The following TMCO2 variants were observed in gnomAD, a reference collection of about 807,000 sequenced individuals.
The protein encoded by TMCO2 is transmembrane and coiled-coil domains 2, also known as transmembrane and coiled-coil domain-containing protein 2.
In TMCO2, 15 loss-of-function variants were observed where a neutral mutation model predicts 18.0. The observed-to-expected ratio is 0.84, with a 90% CI of 0.56 to 1.29. The LOEUF (loss-of-function observed/expected upper bound fraction) is 1.29. TMCO2 is among the 50% of genes most tolerant of loss of function. The pLI is 0.00. For missense variants in TMCO2, 182 were observed against 200.9 expected, an observed-to-expected ratio of 0.91 and a Z score of 0.57; for synonymous variants, 79 against 75.9, an observed-to-expected ratio of 1.04 and a Z score of -0.21.
rs1210124906 is a variant in TMCO2, at chr1:40,251,347, C to T, written c.302C>T (p.Ala101Val). ...AAGAAGGGCTCACATATTTTTGAGG[C>T]TTTGCTAGCCAACCCAGAAGGAAGT... ...LYKKGSHIFE[A>V]LLANPEGSGL... Residue 101 changes from alanine (A) to valine (V), a missense_variant, in exon 2 of 2, where the codon GCT (alanine) becomes GTT (valine). Transcript: ENST00000372766. The T allele has an allele frequency of 2.5e-6, 4 of 1,613,800 alleles. No individual in the cohort carries two copies. Among genetic ancestry groups the T allele is most frequent in the South Asian group, 2.2e-5 (2 of 90,950 alleles).
chr1:40,250,043 C>T (rs997699108), intron 1 of TMCO2, among the ~76,000 whole-genome samples: 7 of 151,782 alleles, frequency 4.6e-5, no homozygotes, highest in African/African-American at 1.7e-4. Flanking sequence ...GTCGCCCAGG[C>T]TGGAGTGCAG....
Position 40,248,138 on chromosome 1 carries a change from C to T in TMCO2, c.145C>T (p.Pro49Ser), listed in dbSNP as rs769845203. The T allele has an allele frequency of 5.0e-6, 8 of 1,614,110 alleles. No homozygotes were observed. The South Asian group carries it at 8.8e-5, about 18-fold the overall frequency. Residue 49 changes from proline to serine, a missense_variant, in exon 1 of 2, where the codon CCA (proline) becomes TCA (serine). Physicochemically the swap from Pro to Ser is moderately conservative, Grantham distance 74. Transcript: ENST00000372766. ...TSLGLLDNLAPAVQIILRISF... is the reference protein window; with the variant it reads ...TSLGLLDNLASAVQIILRISF... Reference sequence around the variant, plus strand: ...TTTGGGACTATTAGATAATCTTGCTCCAGCTGTGCAAATCATCTTGAGGAT... The same window carrying T: ...TTTGGGACTATTAGATAATCTTGCTTCAGCTGTGCAAATCATCTTGAGGAT...
intron 1 of TMCO2, among the ~76,000 whole-genome samples, chr1:40,250,694 A>C (rs1569595017): frequency 1.3e-5 from 2 of 152,348 alleles, no homozygotes; most frequent in East Asian, 1.9e-4. Context: ...TTTCTGCATA[A>C]ATAGATCATG....
In TMCO2 at chr1:40,248,158, G is replaced by A. The variant is rs889082864; in HGVS notation, c.165G>A (p.Leu55=). The part of the protein sequence containing the change: ...DNLAPAVQII[L]RISFLILLGI... ...TTGCTCCAGCTGTGCAAATCATCTT[G>A]AGGATTTCTTTCTTGATTTTATTGG... is the stretch of plus-strand genomic sequence containing the variant. The change falls in exon 1 of 2, where the codon TTG becomes TTA. Residue 55 remains leucine (L), a synonymous_variant. Coordinates refer to ENST00000372766, the MANE Select transcript of TMCO2 (RefSeq NM_001008740.4). 1 of 1,614,134 alleles carries A rather than the reference G, an allele frequency of 6.2e-7. No homozygotes were observed.
At chr1:40,249,255 A>ATGTGTGTG (rs3075101) in intron 1 of TMCO2, among the ~76,000 whole-genome samples, 2,296 of 139,902 alleles carry the variant, frequency 0.016, 31 homozygotes, top group African/African-American at 0.025. Flanking sequence ...TTGAACAGGA[A>ATGTGTGTG]TGTGTGTGTG....
In TMCO2 at chr1:40,248,123, TTAGA is replaced by T. The variant is rs1175298549; in HGVS notation, c.133_136del (p.Asp45IlefsTer10). ...ACCTCAGCAAACAAGTTTGGGACTATTAGATAATCTTGCTCCAGCTGTGCAAATC... is the reference window on the plus strand; with the variant it reads ...ACCTCAGCAAACAAGTTTGGGACTATTAATCTTGCTCCAGCTGTGCAAATC... On this transcript the variant is annotated frameshift_variant, in exon 1 of 2. Coordinates refer to ENST00000372766, the MANE Select transcript of TMCO2 (RefSeq NM_001008740.4). LOFTEE classifies it high-confidence loss of function. 6.2e-7 allele frequency: 1 copy of T among 1,614,134 alleles called. No individual in the cohort carries two copies. Among genetic ancestry groups the T allele is most frequent in the Non-Finnish European group, 8.5e-7 (1 of 1,180,056 alleles).
intron 1 of TMCO2, among the ~76,000 whole-genome samples, chr1:40,249,109 A>G (rs1202918646): frequency 6.6e-6 from 1 of 152,188 alleles, no homozygotes; most frequent in East Asian, 1.9e-4. Context: ...TGTAGATGAG[A>G]GAACTTGATT....
In TMCO2 at chr1:40,251,530, C is replaced by A; in HGVS notation, c.485C>A (p.Pro162His). Residue 162 changes from proline to histidine, a missense_variant, in exon 2 of 2, where the codon CCC becomes CAC. By Grantham distance (77) the Pro-to-His change is moderately conservative (BLOSUM62 -2). Transcript: ENST00000372766. ...ACGAAGAGGGATTGCTCCTCTGAGC[C>A]CTACTGCAGCTGCTCTGACTGCCAG... The part of the protein sequence containing the change: ...PATKRDCSSE[P>H]YCSCSDCQSP... The A allele has an allele frequency of 6.2e-7, 1 of 1,613,802 alleles. No homozygotes were observed. The highest frequency in any genetic ancestry group is 8.5e-7 in the Non-Finnish European group (1 of 1,179,956).
intron 1 of TMCO2, among the ~76,000 whole-genome samples, chr1:40,251,017 G>A (rs1408636004): frequency 6.6e-6 from 1 of 151,332 alleles, no homozygotes; most frequent in Non-Finnish European, 1.5e-5. Flanking sequence ...GGCGCCTGTA[G>A]TCCCAACTAC....
At chr1:40,249,261 G>GTGTGTA (rs1387191691) in intron 1 of TMCO2, among the ~76,000 whole-genome samples, 1 of 111,284 alleles carries the variant, frequency 9.0e-6, no homozygotes, top group Non-Finnish European at 1.8e-5. Context: ...AGGAATGTGT[G>GTGTGTA]TGTGTGTGTG....
intron 1 of TMCO2, 65 bp downstream of exon 1, chr1:40,248,295 T>C: frequency 7.4e-7 from 1 of 1,353,458 alleles, no homozygotes. Flanking sequence ...TTCTCTCCCA[T>C]ATTGCTGCCA....
Position 40,248,154 on chromosome 1 carries a change from T to A in TMCO2, c.161T>A (p.Ile54Asn). 1.9e-6 allele frequency: 3 copies of A among 1,614,192 alleles called. No individual in the cohort carries two copies. Among genetic ancestry groups the A allele is most frequent in the Non-Finnish European group, 2.5e-6 (3 of 1,180,026 alleles). The change falls in exon 1 of 2, where the codon ATC (isoleucine) becomes AAC (asparagine). Residue 54 changes from isoleucine (I) to asparagine (N), a missense_variant. Coordinates refer to ENST00000372766, the MANE Select transcript of TMCO2 (RefSeq NM_001008740.4). Reference sequence around the variant, plus strand: ...AATCTTGCTCCAGCTGTGCAAATCATCTTGAGGATTTCTTTCTTGATTTTA... The same window carrying A: ...AATCTTGCTCCAGCTGTGCAAATCAACTTGAGGATTTCTTTCTTGATTTTA... ...LDNLAPAVQI[I>N]LRISFLILLG... is the part of the protein sequence containing the mutation.
intron 1 of TMCO2, among the ~76,000 whole-genome samples, chr1:40,250,068 C>T (rs962307274): frequency 1.1e-4 from 16 of 151,504 alleles, no homozygotes; most frequent in Non-Finnish European, 2.2e-4. Flanking sequence ...GTCATCATAG[C>T]TCACTGCAGC....
At position 40,251,639 on chromosome 1, in the gene TMCO2, C is replaced by T; in HGVS notation, c.*45C>T. Reference sequence around the variant, plus strand: ...TTTTCCAGGAAAGCACTGTTTCCCTCATGTGTGCAGTGGTGTATCAATAAA... The same window carrying T: ...TTTTCCAGGAAAGCACTGTTTCCCTTATGTGTGCAGTGGTGTATCAATAAA... On this transcript the variant is annotated 3_prime_UTR_variant, in exon 2 of 2. Transcript: ENST00000372766. The T allele has an allele frequency of 6.4e-7, 1 of 1,565,172 alleles. No individual in the cohort carries two copies. The highest frequency in any genetic ancestry group is 1.4e-5 in the African/African-American group (1 of 72,474).
In TMCO2 at chr1:40,248,093, A is replaced by G. The variant is rs1557767928; in HGVS notation, c.100A>G (p.Ser34Gly). Reference sequence around the variant, plus strand: ...ACAAGCAAGTTTTTTGGGAGAGACTAGTGCACCTCAGCAAACAAGTTTGGG... The same window carrying G: ...ACAAGCAAGTTTTTTGGGAGAGACTGGTGCACCTCAGCAAACAAGTTTGGG... ...WIQASFLGET[S>G]APQQTSLGLL... The change falls in exon 1 of 2, where the codon AGT becomes GGT. Residue 34 changes from serine (S) to glycine (G), a missense_variant. Coordinates refer to ENST00000372766, the MANE Select transcript of TMCO2 (RefSeq NM_001008740.4). The G allele has an allele frequency of 3.1e-6, 5 of 1,614,010 alleles. No homozygotes were observed. The highest frequency in any genetic ancestry group is 3.3e-5 in the Admixed American group (2 of 60,008).
intron 1 of TMCO2, among the ~76,000 whole-genome samples, chr1:40,249,996 A>T (rs899902987): frequency 7.1e-5 from 10 of 140,236 alleles, no homozygotes; most frequent in South Asian, 4.4e-4. Context: ...TTTATTTTTT[A>T]TTTTTTTTTT....
Position 40,251,316 on chromosome 1 carries a change from C to G in TMCO2, c.271C>G (p.Leu91Val). The G allele has an allele frequency of 6.2e-7, 1 of 1,612,906 alleles. No homozygotes were observed. The highest frequency in any genetic ancestry group is 8.5e-7 in the Non-Finnish European group (1 of 1,179,742). ...GTTGTTTGTAATCACACTCTACAAA[C>G]TTTACAAGAAGGGCTCACATATTTT... ...TLLFVITLYK[L>V]YKKGSHIFEA... The change falls in exon 2 of 2, where the codon CTT becomes GTT. Residue 91 changes from leucine to valine, a missense_variant. Leu to Val is a conservative substitution (Grantham distance 32). Coordinates refer to ENST00000372766, the MANE Select transcript of TMCO2 (RefSeq NM_001008740.4).
chr1:40,251,200 T>G, intron 1 of TMCO2, 83 bp from the exon 2 acceptor site: 1 of 1,205,684 alleles, frequency 8.3e-7, no homozygotes, highest in Non-Finnish European at 1.2e-6. Flanking sequence ...GAATTATTGT[T>G]ACTATTAGGT....
chr1:40,248,025 A>G lies in TMCO2; in HGVS notation c.32A>G (p.Asn11Ser). The change falls in exon 1 of 2, where the codon AAC becomes AGC. Residue 11 changes from asparagine to serine, a missense_variant. Asn to Ser is a conservative substitution (Grantham distance 46). Coordinates refer to ENST00000372766, the MANE Select transcript of TMCO2 (RefSeq NM_001008740.4). ...ACATCTTCATCTTCTAGCTGGGACA[A>G]CCTCTTAGAGTCTCTCTCTCTCAGC... MSTSSSSSWD[N>S]LLESLSLSTV... 6.2e-7 allele frequency: 1 copy of G among 1,614,058 alleles called. No homozygotes were observed. The highest frequency in any genetic ancestry group is 8.5e-7 in the Non-Finnish European group (1 of 1,180,002).
Sources: gnomAD v4.1 joint callset for allele counts (sites outside exome capture counted in the v4.1 genomes callset) on GRCh38, gnomAD v4.1.1 for gene constraint, MANE v1.5 for transcripts, NCBI Gene and HGNC (gene_info 2026-07-23, HGNC 2026-07-21) for gene names.